The following ZNF385D variants were observed in gnomAD, a reference collection of about 807,000 sequenced individuals.
The protein encoded by ZNF385D is zinc finger protein 385D.
In ZNF385D, 15 loss-of-function variants were observed where a neutral mutation model predicts 35.8. The ratio of observed to expected loss-of-function variants is 0.42; its 90% confidence interval spans 0.28 to 0.64. The LOEUF (loss-of-function observed/expected upper bound fraction) is 0.64, where lower values mean the gene tolerates loss of function less well. Among genes scored for constraint, ZNF385D ranks in the 30% least tolerant of loss-of-function variants. The pLI, the probability that ZNF385D is intolerant of heterozygous loss-of-function variation, is 0.23. For missense variants in ZNF385D, 474 were observed against 494.6 expected (o/e 0.96, Z 0.39); for synonymous variants, 212 against 186.8 (o/e 1.13, Z -1.10).
intron 2 of ZNF385D, among the ~76,000 whole-genome samples, chr3:22,190,240 A>AT (rs781557966): frequency 3.3e-5 from 5 of 152,210 alleles, no homozygotes; most frequent in Non-Finnish European, 5.9e-5. Context: ...GAGATGGGAA[A>AT]TTTTAAGTTC....
chr3:21,528,146 A>G (rs1025671286), intron 3 of ZNF385D, among the ~76,000 whole-genome samples: 1 of 152,192 alleles, frequency 6.6e-6, no homozygotes, highest in Non-Finnish European at 1.5e-5. Flanking sequence ...TCTGTCTTAA[A>G]TGCAGATATT....
intron 2 of ZNF385D, among the ~76,000 whole-genome samples, chr3:22,222,829 C>T (rs1233333164): frequency 6.6e-6 from 1 of 152,122 alleles, no homozygotes; most frequent in Non-Finnish European, 1.5e-5. Context: ...CTCTGTATTG[C>T]TACCAAAATA....
chr3:21,924,884 C>A (rs1218164429), intron 3 of ZNF385D, among the ~76,000 whole-genome samples: 1 of 152,134 alleles, frequency 6.6e-6, no homozygotes, highest in Non-Finnish European at 1.5e-5. Flanking sequence ...CCCTACCTGG[C>A]AGTAAGAAAG....
chr3:21,891,081 T>A (rs1427933843), intron 3 of ZNF385D, among the ~76,000 whole-genome samples: 2 of 152,216 alleles, frequency 1.3e-5, no homozygotes. Flanking sequence ...TAGGAAGTTA[T>A]AATTTCATCA....
chr3:21,841,718 A>G (rs1386533792), intron 3 of ZNF385D, among the ~76,000 whole-genome samples: 1 of 151,916 alleles, frequency 6.6e-6, no homozygotes, highest in East Asian at 1.9e-4. Context: ...TCCAAATTAC[A>G]CACACTTTTC....
At chr3:21,885,421 T>C (rs901590264) in intron 3 of ZNF385D, among the ~76,000 whole-genome samples, 9 of 151,938 alleles carry the variant, frequency 5.9e-5, no homozygotes, top group African/African-American at 1.7e-4. Flanking sequence ...GCAACAAAAT[T>C]TGATGAAAAA....
At chr3:22,263,261 C>A (rs1700726185) in intron 2 of ZNF385D, among the ~76,000 whole-genome samples, 1 of 152,020 alleles carries the variant, frequency 6.6e-6, no homozygotes, top group South Asian at 2.1e-4. Context: ...CTTCAGTCAC[C>A]TCCAGCAAAG....
At chr3:22,322,517 C>A (rs563495908) in intron 2 of ZNF385D, among the ~76,000 whole-genome samples, 1 of 152,270 alleles carries the variant, frequency 6.6e-6, no homozygotes, top group East Asian at 1.9e-4. Context: ...CCTTAGACAT[C>A]AAGAATTTTA....
intron 2 of ZNF385D, among the ~76,000 whole-genome samples, chr3:22,172,336 C>G (rs1329162987): frequency 6.6e-6 from 1 of 152,132 alleles, no homozygotes; most frequent in Non-Finnish European, 1.5e-5. Flanking sequence ...TGCAGACTCA[C>G]AGGAATAATT....
At position 22,244,871 on chromosome 3, in the gene ZNF385D, C is replaced by T. The variant is rs777510020; in HGVS notation, c.107-75836G>A. Among the ~76,000 whole-genome samples, 9 of 142,462 alleles carry T rather than the reference C, an allele frequency of 6.3e-5. 1 individual carries two copies. Among genetic ancestry groups the T allele is most frequent in the African/African-American group, 2.2e-4 (8 of 36,558 alleles). The allele number at this position is 142,462 out of a possible 152,430, so 93.5% of individuals were successfully genotyped here. A position where few individuals can be genotyped will look rare whatever the true frequency, so the allele number is the denominator to read the frequency against. ...CAACTTGGGCTGGCATGTACCCAGT[C>T]AAATAAACAGAACATCACTGCGTCT... is the stretch of plus-strand genomic sequence containing the variant. On this transcript the variant is annotated intron_variant, in intron 2 of 5. Coordinates refer to the ZNF385D transcript ENST00000494108.
intron 2 of ZNF385D, among the ~76,000 whole-genome samples, chr3:21,642,417 C>G (rs903015128): frequency 6.6e-6 from 1 of 151,944 alleles, no homozygotes; most frequent in African/African-American, 2.4e-5. Context: ...TAAACACTGC[C>G]ACTTCACTGG....
chr3:21,958,067 G>A (rs1353744123), intron 3 of ZNF385D, among the ~76,000 whole-genome samples: 1 of 152,072 alleles, frequency 6.6e-6, no homozygotes, highest in African/African-American at 2.4e-5. Flanking sequence ...TAATAAAACT[G>A]TTACAATTCA....
chr3:22,262,366 C>G (rs914632890), intron 2 of ZNF385D, among the ~76,000 whole-genome samples: 1 of 151,798 alleles, frequency 6.6e-6, no homozygotes, highest in Non-Finnish European at 1.5e-5. Context: ...AAGACCAAGA[C>G]CCAAAAATGG....
intron 3 of ZNF385D, among the ~76,000 whole-genome samples, chr3:21,941,975 T>C (rs533096560): frequency 1.7e-4 from 26 of 152,340 alleles, no homozygotes; most frequent in African/African-American, 5.5e-4. Flanking sequence ...TATACAATTA[T>C]TCTTCTTGAA....
At chr3:21,998,354 C>A (rs1695614873) in intron 3 of ZNF385D, among the ~76,000 whole-genome samples, 1 of 152,164 alleles carries the variant, frequency 6.6e-6, no homozygotes, top group South Asian at 2.1e-4. Context: ...CTCTTGAATT[C>A]TTTCCTGACC....
chr3:21,478,773 A>G (rs1704407526), intron 4 of ZNF385D, among the ~76,000 whole-genome samples: 1 of 152,124 alleles, frequency 6.6e-6, no homozygotes, highest in African/African-American at 2.4e-5. Context: ...CAAGTTTATG[A>G]CTATCTTCCA....
At chr3:21,888,029 A>T (rs1297270139) in intron 3 of ZNF385D, among the ~76,000 whole-genome samples, 9 of 152,184 alleles carry the variant, frequency 5.9e-5, no homozygotes, top group Admixed American at 5.9e-4. Flanking sequence ...TTAAATGATT[A>T]AGAATCTGTT....
intron 3 of ZNF385D, among the ~76,000 whole-genome samples, chr3:21,919,909 CAA>C (rs1700370107): frequency 1.3e-5 from 2 of 152,178 alleles, no homozygotes; most frequent in South Asian, 4.1e-4. Flanking sequence ...CATTTCTAGA[CAA>C]AGACTTTCGT....
At chr3:22,163,426 C>T (rs1250343877) in intron 3 of ZNF385D, among the ~76,000 whole-genome samples, 1 of 152,146 alleles carries the variant, frequency 6.6e-6, no homozygotes, top group Non-Finnish European at 1.5e-5. Context: ...TCACTGTGAT[C>T]TTCAGAAGAT....
Sources: allele counts gnomAD v4.1 joint callset (sites outside exome capture counted in the v4.1 genomes callset), GRCh38; gene constraint gnomAD v4.1.1; transcripts MANE v1.5; gene names NCBI Gene and HGNC (gene_info 2026-07-23, HGNC 2026-07-21).